Variants in ADAM12 observed in about 807,000 individuals in gnomAD.
ADAM12 encodes disintegrin and metalloproteinase domain-containing protein 12.
Under a neutral mutation model 106.4 loss-of-function variants are expected in ADAM12, and 70 were observed. The observed-to-expected ratio is 0.66, with a 90% CI of 0.54 to 0.80. The LOEUF (loss-of-function observed/expected upper bound fraction) is 0.80. ADAM12 is among the 30% of genes least tolerant of loss of function. The pLI is 0.00. For missense variants in ADAM12, 1,010 were observed against 1,171.9 expected (o/e 0.86, Z 2.02); for synonymous variants, 420 against 433.5 (o/e 0.97, Z 0.39).
chr10:126,111,799 G>C (rs1319386174), intron 6 of ADAM12, among the ~76,000 whole-genome samples: 1 of 152,208 alleles, frequency 6.6e-6, no homozygotes, highest in Non-Finnish European at 1.5e-5. Flanking sequence ...GAGAAGCACT[G>C]GGGGAGTCGC....
intron 1 of ADAM12, among the ~76,000 whole-genome samples, chr10:126,352,054 C>T (rs1026785389): frequency 6.6e-5 from 10 of 152,182 alleles, no homozygotes; most frequent in African/African-American, 2.4e-4. Flanking sequence ...AAGGGCCAGA[C>T]ACACCCAGCT....
chr10:126,243,367 C>G (rs1397591415), intron 3 of ADAM12, among the ~76,000 whole-genome samples: 1 of 152,152 alleles, frequency 6.6e-6, no homozygotes, highest in African/African-American at 2.4e-5. Flanking sequence ...CTTTATTGAT[C>G]TCTTACTCTG....
rs181899567 is a variant in ADAM12 at position 126,294,114 on chromosome 10, C to T, written c.187-15126G>A. Among the ~76,000 whole-genome samples the T allele has an allele frequency of 1.2e-3, 179 of 152,256 alleles. 1 individual carries two copies. Among genetic ancestry groups the T allele is most frequent in the African/African-American group, 3.6e-3 (150 of 41,542 alleles). On this transcript the variant is annotated intron_variant, in intron 2 of 22. Coordinates refer to ENST00000448723, the MANE Select transcript of ADAM12 (RefSeq NM_001288973.2). Reference sequence around the variant, plus strand: ...AACTGTATTAATGCCTCATAAAATGCGCTCATCCCTTCATCAGATGCTGAC... The same window carrying T: ...AACTGTATTAATGCCTCATAAAATGTGCTCATCCCTTCATCAGATGCTGAC...
At chr10:126,383,172 C>T (rs1856551342) in intron 1 of ADAM12, among the ~76,000 whole-genome samples, 1 of 151,800 alleles carries the variant, frequency 6.6e-6, no homozygotes, top group Non-Finnish European at 1.5e-5. Context: ...ACTATATTAC[C>T]CAGGCTGGTC....
intron 3 of ADAM12, among the ~76,000 whole-genome samples, chr10:126,252,627 C>T (rs1958809320): frequency 6.6e-6 from 1 of 152,186 alleles, no homozygotes; most frequent in South Asian, 2.1e-4. Flanking sequence ...TTTGTTCTAT[C>T]CAGGCCCTCA....
chr10:126,054,708 A>G (rs1954590626), intron 14 of ADAM12, among the ~76,000 whole-genome samples: 1 of 152,178 alleles, frequency 6.6e-6, no homozygotes, highest in African/African-American at 2.4e-5. Flanking sequence ...CTGTCCCCTC[A>G]TCTGTAAAAT....
chr10:126,098,540 A>G, intron 9 of ADAM12, 40 bp from the exon 10 acceptor site: 3 of 1,524,290 alleles, frequency 2.0e-6, no homozygotes, highest in Non-Finnish European at 2.7e-6. Flanking sequence ...ATCAAATTAG[A>G]ACGGGGGCAT....
intron 6 of ADAM12, among the ~76,000 whole-genome samples, chr10:126,110,787 G>A (rs1955855100): frequency 6.6e-6 from 1 of 152,218 alleles, no homozygotes. Context: ...AGCAGTTCGT[G>A]GAGGGTGGTC....
chr10:126,028,617 G>A (rs1207362586), intron 21 of ADAM12, among the ~76,000 whole-genome samples: 1 of 152,100 alleles, frequency 6.6e-6, no homozygotes, highest in African/African-American at 2.4e-5. Flanking sequence ...GAAAATTGAA[G>A]CTGGACCCCT....
chr10:126,368,547 T>G (rs192274509), intron 1 of ADAM12, among the ~76,000 whole-genome samples: 1 of 152,106 alleles, frequency 6.6e-6, no homozygotes, highest in East Asian at 1.9e-4. Flanking sequence ...CCACTGAAAC[T>G]ATCCATTGTG....
At chr10:126,089,134 G>A (rs1185238428) in intron 11 of ADAM12, among the ~76,000 whole-genome samples, 1 of 152,114 alleles carries the variant, frequency 6.6e-6, no homozygotes, top group Non-Finnish European at 1.5e-5. Context: ...AACCCAGACA[G>A]GCCCAAACTC....
Position 126,121,128 on chromosome 10 carries a change from ATAC to A in ADAM12, c.417-2907_417-2905del, listed in dbSNP as rs1174048851. Among the ~76,000 whole-genome samples, 18 of 55,806 alleles carry A rather than the reference ATAC, an allele frequency of 3.2e-4. 1 individual carries two copies. The highest frequency in any genetic ancestry group is 1.3e-3 in the African/African-American group (16 of 12,786). The allele number at this position is 55,806 out of a possible 152,430, so 36.6% of individuals were successfully genotyped here. Reference sequence around the variant, plus strand: ...TATATATAGTATATATATAGTATATATACTATATACTATATATACTATATATAC... The same window carrying A: ...TATATATAGTATATATATAGTATATATATATACTATATATACTATATATAC... On this transcript the variant is annotated intron_variant, in intron 5 of 22. Coordinates refer to ENST00000448723, the MANE Select transcript of ADAM12 (RefSeq NM_001288973.2).
At chr10:126,021,363 T>C (rs1304831136) in intron 21 of ADAM12, among the ~76,000 whole-genome samples, 1 of 152,226 alleles carries the variant, frequency 6.6e-6, no homozygotes, top group Non-Finnish European at 1.5e-5. Flanking sequence ...GAAAATTACA[T>C]TTCTTTAGCA....
At chr10:126,082,363 G>GTTTTTTTTTTTTTTTTTTTTTTTTTT (rs5788763) in intron 11 of ADAM12, among the ~76,000 whole-genome samples, 1 of 80,772 alleles carries the variant, frequency 1.2e-5, no homozygotes, top group African/African-American at 5.3e-5. Flanking sequence ...TCTAATGACT[G>GTTTTTTTTTTTTTTTTTTTTTTTTTT]TTTTTTTTTT....
At chr10:126,272,204 C>A (rs1959181098) in intron 3 of ADAM12, among the ~76,000 whole-genome samples, 1 of 152,228 alleles carries the variant, frequency 6.6e-6, no homozygotes. Flanking sequence ...ATCTTATTCA[C>A]TACTCTCCCT....
At chr10:126,134,511 G>C (rs1451704377) in intron 5 of ADAM12, among the ~76,000 whole-genome samples, 1 of 152,212 alleles carries the variant, frequency 6.6e-6, no homozygotes, top group East Asian at 1.9e-4. Flanking sequence ...AAGAGGAATA[G>C]CTTTGTGTAC....
At chr10:126,194,389 A>C (rs1957560712) in intron 3 of ADAM12, among the ~76,000 whole-genome samples, 2 of 152,154 alleles carry the variant, frequency 1.3e-5, no homozygotes, top group African/African-American at 4.8e-5. Flanking sequence ...AAGGAATCAA[A>C]GGGAAGTGTA....
At chr10:126,194,100 C>T (rs143406833) in intron 3 of ADAM12, among the ~76,000 whole-genome samples, 23 of 151,854 alleles carry the variant, frequency 1.5e-4, no homozygotes, top group Admixed American at 5.9e-4. Context: ...ATTCAAGAAA[C>T]GCTCCAGGTG....
At chr10:126,087,313 T>A (rs907672609) in intron 11 of ADAM12, among the ~76,000 whole-genome samples, 1 of 152,220 alleles carries the variant, frequency 6.6e-6, no homozygotes, top group Non-Finnish European at 1.5e-5. Context: ...GGCTGCATAT[T>A]GATGCGCCCT....
Sources: allele counts gnomAD v4.1 joint callset (sites outside exome capture counted in the v4.1 genomes callset), GRCh38; gene constraint gnomAD v4.1.1; transcripts MANE v1.5; gene names NCBI Gene and HGNC (gene_info 2026-07-23, HGNC 2026-07-21).